Variants in PDE4B observed in about 807,000 individuals in gnomAD.
PDE4B encodes the protein phosphodiesterase 4B.
Under a neutral mutation model 82.2 loss-of-function variants are expected in PDE4B, and 20 were observed. The observed-to-expected ratio is 0.24, with a 90% CI of 0.17 to 0.35. The LOEUF (loss-of-function observed/expected upper bound fraction) is 0.35, where lower values mean the gene tolerates loss of function less well. Ranked by LOEUF, PDE4B falls within the 10% of genes least tolerant of loss-of-function variation. PDE4B has a pLI of 1.00. For synonymous variants in PDE4B, 320 were observed against 318.9 expected (o/e 1.00, Z -0.04); for missense variants, 655 against 907.2 (o/e 0.72, Z 3.57).
intron 3 of PDE4B, among the ~76,000 whole-genome samples, chr1:66,010,343 T>C (rs1297280072): frequency 1.3e-5 from 2 of 151,630 alleles, no homozygotes; most frequent in East Asian, 3.9e-4. Flanking sequence ...TAAGAGATTA[T>C]TTTCTTTATA....
At chr1:65,844,364 C>T (rs1056954664) in intron 1 of PDE4B, among the ~76,000 whole-genome samples, 3 of 152,122 alleles carry the variant, frequency 2.0e-5, no homozygotes, top group African/African-American at 4.8e-5. Context: ...AAAAGTAGTG[C>T]GCATGGAAGT....
chr1:66,237,963 G>GA lies in PDE4B; in HGVS notation c.282-9489dup, dbSNP rs199751644. On this transcript the variant is annotated intron_variant, in intron 3 of 16. Coordinates refer to ENST00000341517, the MANE Select transcript of PDE4B (RefSeq NM_002600.4). ...GTGAGAGAGGAAGGCAATAAAAGGG[G>GA]AAAAAAAAGACAAATAAATATAGCA... Among the ~76,000 whole-genome samples the GA allele has an allele frequency of 3.0e-4, 46 of 151,580 alleles. No homozygotes were observed. The South Asian group carries it at 3.8e-3, about 12-fold the overall frequency.
chr1:66,175,948 T>G (rs1421677723), intron 3 of PDE4B, among the ~76,000 whole-genome samples: 5 of 152,198 alleles, frequency 3.3e-5, no homozygotes, highest in Non-Finnish European at 7.4e-5. Flanking sequence ...TGAAATGTCA[T>G]GCAAAAGATT....
At chr1:66,131,911 G>A (rs1042042705) in intron 3 of PDE4B, among the ~76,000 whole-genome samples, 1 of 151,936 alleles carries the variant, frequency 6.6e-6, no homozygotes, top group Non-Finnish European at 1.5e-5. Flanking sequence ...TTCAGGATCT[G>A]TGAGAAGAGC....
chr1:66,176,890 G>T (rs752887373), intron 3 of PDE4B, among the ~76,000 whole-genome samples: 6 of 152,138 alleles, frequency 3.9e-5, no homozygotes, highest in Non-Finnish European at 7.4e-5. Flanking sequence ...ACTCTCTTTT[G>T]CTCTCTGGTC....
chr1:66,124,791 G>A (rs1645785727), intron 3 of PDE4B, among the ~76,000 whole-genome samples: 1 of 152,174 alleles, frequency 6.6e-6, no homozygotes, highest in Admixed American at 6.5e-5. Flanking sequence ...TGCAATTTAC[G>A]TTCTCCTTGT....
intron 3 of PDE4B, among the ~76,000 whole-genome samples, chr1:66,089,512 GC>G (rs1644967698): frequency 6.6e-6 from 1 of 151,986 alleles, no homozygotes; most frequent in Admixed American, 6.6e-5. Context: ...TTTATTAATG[GC>G]TGTCTTTAGA....
chr1:66,298,665 C>T (rs1475979760), intron 7 of PDE4B, among the ~76,000 whole-genome samples: 1 of 152,194 alleles, frequency 6.6e-6, no homozygotes, highest in East Asian at 1.9e-4. Context: ...CCTGTTAAAC[C>T]CATTATGTGG....
chr1:66,169,971 A>G (rs751083128), intron 3 of PDE4B, among the ~76,000 whole-genome samples: 1 of 152,204 alleles, frequency 6.6e-6, no homozygotes, highest in Non-Finnish European at 1.5e-5. Flanking sequence ...AGTCATTTGT[A>G]TTTATATAGA....
chr1:65,934,363 G>A (rs886815194), intron 3 of PDE4B, among the ~76,000 whole-genome samples: 1 of 152,172 alleles, frequency 6.6e-6, no homozygotes, highest in African/African-American at 2.4e-5. Flanking sequence ...TAATGCAGGA[G>A]GATTGCTTAA....
chr1:66,301,417 G>GT (rs1016205250), intron 7 of PDE4B, among the ~76,000 whole-genome samples: 1 of 151,990 alleles, frequency 6.6e-6, no homozygotes, highest in African/African-American at 2.4e-5. Context: ...TGATCCTGAG[G>GT]TAAAAAAGGA....
chr1:66,339,842 T>C (rs887354912), intron 8 of PDE4B, among the ~76,000 whole-genome samples: 1 of 90,212 alleles, frequency 1.1e-5, no homozygotes, highest in African/African-American at 6.3e-5. Context: ...TTGTTTGTTT[T>C]TTTTGTTGTT....
chr1:65,882,059 G>T (rs1003868149), intron 1 of PDE4B, among the ~76,000 whole-genome samples: 1 of 152,142 alleles, frequency 6.6e-6, no homozygotes, highest in Admixed American at 6.6e-5. Context: ...ATAAAATACT[G>T]AATTTATTAA....
intron 7 of PDE4B, chr1:66,332,299 G>T (rs1445564503): frequency 4.3e-5 from 66 of 1,537,744 alleles, no homozygotes; most frequent in Non-Finnish European, 5.7e-5. Flanking sequence ...GGGTTGGGGG[G>T]AAACTTGGCA....
intron 7 of PDE4B, among the ~76,000 whole-genome samples, chr1:66,285,343 C>G (rs1440937885): frequency 6.6e-6 from 1 of 152,090 alleles, no homozygotes; most frequent in Non-Finnish European, 1.5e-5. Context: ...TTGTTTTTAA[C>G]TTTTGATTTT....
At chr1:65,998,141 C>G (rs1350474875) in intron 3 of PDE4B, among the ~76,000 whole-genome samples, 4 of 151,918 alleles carry the variant, frequency 2.6e-5, no homozygotes, top group Non-Finnish European at 5.9e-5. Context: ...TATAAAACCC[C>G]CTGAGTTATA....
chr1:65,923,738 T>C (rs1390931660), intron 3 of PDE4B, among the ~76,000 whole-genome samples: 2 of 152,192 alleles, frequency 1.3e-5, no homozygotes, highest in Non-Finnish European at 2.9e-5. Flanking sequence ...TTGTCTTTCT[T>C]ATAGATAATC....
rs537199620 is a variant in PDE4B, at chr1:66,204,677, G to C, written c.282-42783G>C. 2.2e-4 allele frequency among the ~76,000 whole-genome samples: 34 copies of C among 151,976 alleles called. 1 individual carries two copies. The South Asian group carries it at 2.9e-3, about 13-fold the overall frequency. ...GCAGGATATAATCTCCTGGTGTGCC[G>C]TTTTTTAAGCCCATTGGAAAAGCGC... On this transcript the variant is annotated intron_variant, in intron 3 of 16. Coordinates refer to ENST00000341517, the MANE Select transcript of PDE4B (RefSeq NM_002600.4).
At chr1:65,853,777 C>T (rs1004252824) in intron 1 of PDE4B, among the ~76,000 whole-genome samples, 4 of 152,144 alleles carry the variant, frequency 2.6e-5, no homozygotes, top group Non-Finnish European at 5.9e-5. Flanking sequence ...ATCCGCCCAC[C>T]TCAGCCTCCC....
Sources: allele counts gnomAD v4.1 joint callset (sites outside exome capture counted in the v4.1 genomes callset), GRCh38; gene constraint gnomAD v4.1.1; transcripts MANE v1.5; gene names NCBI Gene and HGNC (gene_info 2026-07-23, HGNC 2026-07-21).